Variants in CNTN4 observed in about 807,000 individuals in gnomAD.
CNTN4 encodes the protein contactin-4.
A neutral mutation model predicts 122.5 loss-of-function variants in CNTN4; 77 were observed. The ratio of observed to expected loss-of-function variants is 0.63; its 90% CI spans 0.52 to 0.76. CNTN4 has a LOEUF of 0.76. CNTN4 is among the 30% of genes least tolerant of loss of function. The pLI, the probability that CNTN4 is intolerant of heterozygous loss-of-function variation, is 0.00. For missense variants in CNTN4, 1,256 were observed against 1,259.1 expected, an observed-to-expected ratio of 1.00 and a Z score of 0.04; for synonymous variants, 512 against 447.0, an observed-to-expected ratio of 1.15 and a Z score of -1.83.
At chr3:3,001,386 AGGAG>A (rs1696027060) in intron 14 of CNTN4, among the ~76,000 whole-genome samples, 1 of 152,200 alleles carries the variant, frequency 6.6e-6, no homozygotes, top group African/African-American at 2.4e-5. Flanking sequence ...TCACTGGATA[AGGAG>A]TGAGTAAGAG....
rs372198230 is a variant in CNTN4, at chr3:2,304,552, A to T, written c.-144-34626A>T. Among the ~76,000 whole-genome samples the T allele has an allele frequency of 4.5e-4, 68 of 152,190 alleles. 1 individual carries two copies. Among genetic ancestry groups the T allele is most frequent in the African/African-American group, 1.6e-3 (65 of 41,548 alleles). On this transcript the variant is annotated intron_variant, in intron 2 of 24. Transcript: ENST00000418658. ...ATCACTTATGAGGAAGACACTTAAC[A>T]TCTTTTCGCTTGAGTTCACAACATA...
At chr3:2,591,530 A>C (rs1489885820) in intron 4 of CNTN4, among the ~76,000 whole-genome samples, 1 of 85,958 alleles carries the variant, frequency 1.2e-5, no homozygotes, top group African/African-American at 4.8e-5. Flanking sequence ...ACGCCCGGCT[A>C]ATTTTTTGTA....
chr3:2,396,062 A>G (rs1025300096), intron 3 of CNTN4, among the ~76,000 whole-genome samples: 2 of 151,222 alleles, frequency 1.3e-5, no homozygotes, highest in Non-Finnish European at 2.9e-5. Flanking sequence ...TTTTTTAGAC[A>G]AAGCCTCAGT....
intron 3 of CNTN4, among the ~76,000 whole-genome samples, chr3:2,430,915 A>C (rs1293316501): frequency 2.0e-5 from 3 of 152,184 alleles, no homozygotes; most frequent in Non-Finnish European, 4.4e-5. Context: ...TTCCTGATGA[A>C]AATTAGAATT....
intron 3 of CNTN4, among the ~76,000 whole-genome samples, chr3:2,481,037 C>CTTTTTCT (rs1553662983): frequency 7.5e-6 from 1 of 133,860 alleles, no homozygotes; most frequent in Non-Finnish European, 1.6e-5. Flanking sequence ...TTTTTCTTTT[C>CTTTTTCT]TTTCTTTCTT....
intron 6 of CNTN4, among the ~76,000 whole-genome samples, chr3:2,768,503 T>C (rs1376203827): frequency 6.6e-6 from 1 of 152,200 alleles, no homozygotes; most frequent in Non-Finnish European, 1.5e-5. Flanking sequence ...TTGTTCAGCT[T>C]GCTGTAGAGA....
At chr3:2,522,666 A>G (rs562927320) in intron 3 of CNTN4, among the ~76,000 whole-genome samples, 17 of 152,104 alleles carry the variant, frequency 1.1e-4, no homozygotes, top group African/African-American at 4.1e-4. Flanking sequence ...AGTGTGTGGA[A>G]ATGCAGATTC....
chr3:2,950,141 A>G (rs565587934), intron 13 of CNTN4, among the ~76,000 whole-genome samples: 5 of 152,340 alleles, frequency 3.3e-5, no homozygotes, highest in Admixed American at 2.0e-4. Flanking sequence ...AGACTCATGG[A>G]ATTAAAATGG....
At chr3:2,410,352 A>G (rs1026678999) in intron 3 of CNTN4, among the ~76,000 whole-genome samples, 23 of 152,302 alleles carry the variant, frequency 1.5e-4, no homozygotes, top group Non-Finnish European at 2.8e-4. Flanking sequence ...ACAGAGGCAT[A>G]ATAATTCCAG....
chr3:2,493,331 T>G (rs2076368252), intron 3 of CNTN4, among the ~76,000 whole-genome samples: 2 of 151,988 alleles, frequency 1.3e-5, no homozygotes, highest in Non-Finnish European at 2.9e-5. Flanking sequence ...AGAGTTTACG[T>G]ATCAGAAAAT....
chr3:2,533,593 CAT>C (rs769615806), intron 3 of CNTN4, among the ~76,000 whole-genome samples: 2 of 152,182 alleles, frequency 1.3e-5, no homozygotes, highest in African/African-American at 4.8e-5. Context: ...CCACAATAAA[CAT>C]ATGTGTGCAT....
At chr3:2,853,314 G>A (rs759990177) in intron 7 of CNTN4, among the ~76,000 whole-genome samples, 1 of 151,920 alleles carries the variant, frequency 6.6e-6, no homozygotes. Context: ...GTGCGATCTC[G>A]GCTCACTGCA....
At chr3:2,186,266 T>G (rs1326244329) in intron 2 of CNTN4, among the ~76,000 whole-genome samples, 1 of 134,576 alleles carries the variant, frequency 7.4e-6, no homozygotes, top group Non-Finnish European at 1.7e-5. Context: ...GAACTCATCC[T>G]TTTTTATGGC....
At chr3:2,873,043 T>C (rs1284991707) in intron 8 of CNTN4, among the ~76,000 whole-genome samples, 1 of 152,132 alleles carries the variant, frequency 6.6e-6, no homozygotes, top group Admixed American at 6.6e-5. Context: ...GCCCAAACGA[T>C]GACCTCAGCA....
chr3:2,451,346 G>T (rs1412805647), intron 3 of CNTN4, among the ~76,000 whole-genome samples: 1 of 151,366 alleles, frequency 6.6e-6, no homozygotes, highest in Admixed American at 6.6e-5. Flanking sequence ...TATACAATCT[G>T]GGGCATCACC....
chr3:2,974,418 T>C lies in CNTN4; in HGVS notation c.1359-13927T>C, dbSNP rs1693226467. Among the ~76,000 whole-genome samples the C allele has an allele frequency of 2.6e-5, 4 of 152,336 alleles. No homozygotes were observed. The South Asian group carries it at 8.3e-4, about 32-fold the overall frequency. On this transcript the variant is annotated intron_variant, in intron 13 of 24. Coordinates refer to ENST00000418658, the MANE Select transcript of CNTN4 (RefSeq NM_175607.3). ...CTGTTTACCATGCACCATCACAGGC[T>C]TAAATGTTTCATGGGAATTTTTACA...
chr3:2,394,630 A>T (rs964286619), intron 3 of CNTN4, among the ~76,000 whole-genome samples: 2 of 152,188 alleles, frequency 1.3e-5, no homozygotes, highest in Admixed American at 6.6e-5. Flanking sequence ...GTCAGGGTAT[A>T]AATTGGTGCA....
At chr3:2,677,999 A>G (rs1173515203) in intron 4 of CNTN4, among the ~76,000 whole-genome samples, 4 of 152,258 alleles carry the variant, frequency 2.6e-5, no homozygotes, top group East Asian at 3.9e-4. Context: ...TTGCGGACCA[A>G]TGTGTTTTCC....
chr3:2,246,534 A>C (rs997069212), intron 2 of CNTN4, among the ~76,000 whole-genome samples: 2 of 152,046 alleles, frequency 1.3e-5, no homozygotes, highest in African/African-American at 4.8e-5. Flanking sequence ...GCACATCTTT[A>C]ACTCGGGAAT....
Sources: allele counts gnomAD v4.1 joint callset (sites outside exome capture counted in the v4.1 genomes callset), GRCh38; gene constraint gnomAD v4.1.1; transcripts MANE v1.5; gene names NCBI Gene and HGNC (gene_info 2026-07-23, HGNC 2026-07-21).